SPATA17: variants seen among roughly 807,000 people sequenced by gnomAD.
SPATA17 encodes spermatogenesis associated 17.
Under a neutral mutation model 62.2 loss-of-function variants are expected in SPATA17, and 53 were observed. That is an observed-to-expected ratio of 0.85 (90% confidence interval 0.68 to 1.07). The LOEUF (loss-of-function observed/expected upper bound fraction) is 1.07. SPATA17 is among the 50% of genes least tolerant of loss of function. SPATA17 has a pLI of 0.00. For synonymous variants in SPATA17, 146 were observed against 146.8 expected, an observed-to-expected ratio of 0.99 and a Z score of 0.04; for missense variants, 466 against 425.5, an observed-to-expected ratio of 1.10 and a Z score of -0.84.
intron 9 of SPATA17, among the ~76,000 whole-genome samples, chr1:217,804,862 G>A (rs767841367): frequency 6.6e-6 from 1 of 152,142 alleles, no homozygotes; most frequent in Non-Finnish European, 1.5e-5. Context: ...ATGTTAGAAT[G>A]GCTATTACCA....
rs1047139065 is a variant in SPATA17, at chr1:217,793,307, G to T, written c.873-8411G>T. 5.1e-5 allele frequency among the ~76,000 whole-genome samples: 7 copies of T among 136,160 alleles called. No homozygotes were observed. The East Asian group carries it at 1.8e-3, about 35-fold the overall frequency. The allele number at this position is 136,160 out of a possible 152,430, so 89.3% of individuals were successfully genotyped here. ...ACGATCTCGGCTCACTGCAAGCTCC[G>T]CCTTCCGGGTTGATGCCATTCTCCC... On this transcript the variant is annotated intron_variant, in intron 8 of 10. Transcript: ENST00000366933.
intron 4 of SPATA17, among the ~76,000 whole-genome samples, chr1:217,674,763 C>T (rs1670910129): frequency 6.6e-6 from 1 of 152,234 alleles, no homozygotes; most frequent in Admixed American, 6.5e-5. Context: ...TGGCCTGTGG[C>T]TCCAGGGCTG....
rs568249619 is a variant in SPATA17 at position 217,869,889 on chromosome 1, A to C, written c.*2870A>C. The C allele has an allele frequency of 6.6e-6, 1 of 152,274 alleles. No homozygotes were observed. The highest frequency in any genetic ancestry group is 1.9e-4 in the East Asian group (1 of 5,176). The allele number at this position is 152,274 out of a possible 1,614,324, so 9.4% of individuals were successfully genotyped here. A position where few individuals can be genotyped will look rare whatever the true frequency, so the allele number is the denominator to read the frequency against. Reference sequence around the variant, plus strand: ...TAAAGCTTTATTTTTAGATTACAGCATATTGCTTTTGCACTATCATAAAGT... The same window carrying C: ...TAAAGCTTTATTTTTAGATTACAGCCTATTGCTTTTGCACTATCATAAAGT... On this transcript the variant is annotated 3_prime_UTR_variant, in exon 11 of 11. Transcript: ENST00000366933.
chr1:217,751,200 T>C (rs1047884534), intron 6 of SPATA17, among the ~76,000 whole-genome samples: 2 of 152,220 alleles, frequency 1.3e-5, no homozygotes, highest in African/African-American at 4.8e-5. Context: ...AAAGCCAGAA[T>C]GTAATTTAGA....
At chr1:217,784,956 A>G (rs1673823372) in intron 8 of SPATA17, 1 of 152,128 alleles carries the variant, frequency 6.6e-6, no homozygotes, top group African/African-American at 2.4e-5. Flanking sequence ...AAACATAGAA[A>G]TGTACTGTAT....
At chr1:217,808,383 C>A (rs7516865) in intron 9 of SPATA17, among the ~76,000 whole-genome samples, 23,256 of 68,144 alleles carry the variant, frequency 0.34, 1,865 homozygotes, top group East Asian at 0.47. Context: ...ACACACACAC[C>A]CCCCTCAGAA....
chr1:217,657,402 G>A (rs569976413), intron 3 of SPATA17, among the ~76,000 whole-genome samples: 37 of 152,162 alleles, frequency 2.4e-4, no homozygotes, highest in Middle Eastern at 6.8e-3. Context: ...TTGCCTCGGA[G>A]CTTAGGTTTT....
At position 217,688,544 on chromosome 1, in the gene SPATA17, T is replaced by C. The variant is rs145153365; in HGVS notation, c.395+5183T>C. ...ATGTCACATATTTTAGACTGTCACA[T>C]AGGTCGACAGCCCCATCTTCAAATG... On this transcript the variant is annotated intron_variant, in intron 5 of 10. Coordinates refer to ENST00000366933, the MANE Select transcript of SPATA17 (RefSeq NM_138796.4). 1.8e-3 allele frequency among the ~76,000 whole-genome samples: 269 copies of C among 152,346 alleles called. 2 individuals carry two copies. The highest frequency in any genetic ancestry group is 6.2e-3 in the African/African-American group (257 of 41,586).
intron 6 of SPATA17, among the ~76,000 whole-genome samples, chr1:217,759,064 C>T (rs1379818649): frequency 6.6e-6 from 1 of 152,156 alleles, no homozygotes; most frequent in Non-Finnish European, 1.5e-5. Context: ...AAAAGGAAGA[C>T]TGGACCATGT....
chr1:217,854,276 A>G (rs919716360), intron 9 of SPATA17, among the ~76,000 whole-genome samples: 1 of 152,160 alleles, frequency 6.6e-6, no homozygotes, highest in Non-Finnish European at 1.5e-5. Context: ...GTTCATCCAC[A>G]AAAACACTGC....
chr1:217,848,490 G>T (rs1230209824), intron 9 of SPATA17, among the ~76,000 whole-genome samples: 2 of 152,012 alleles, frequency 1.3e-5, no homozygotes, highest in Admixed American at 1.3e-4. Flanking sequence ...GTTCCATGAT[G>T]ATGTTTCTTC....
chr1:217,704,744 A>C (rs930905523), intron 5 of SPATA17, among the ~76,000 whole-genome samples: 1 of 151,696 alleles, frequency 6.6e-6, no homozygotes. Context: ...TTTTTTTTTT[A>C]AATGTGTGGG....
At chr1:217,640,806 T>C (rs974498944) in intron 1 of SPATA17, among the ~76,000 whole-genome samples, 2 of 152,028 alleles carry the variant, frequency 1.3e-5, no homozygotes, top group Admixed American at 6.6e-5. Flanking sequence ...GCCCAGATTA[T>C]AGAAAATATA....
chr1:217,742,297 G>T (rs1672641856), intron 6 of SPATA17, among the ~76,000 whole-genome samples, 199 bp downstream of exon 6: 1 of 152,198 alleles, frequency 6.6e-6, no homozygotes, highest in African/African-American at 2.4e-5. Context: ...AGAGGCAGCC[G>T]CTGCGATGCT....
intron 9 of SPATA17, among the ~76,000 whole-genome samples, chr1:217,850,187 T>A (rs944244488): frequency 6.6e-6 from 1 of 152,164 alleles, no homozygotes; most frequent in Admixed American, 6.5e-5. Flanking sequence ...TACAGTCGTG[T>A]ACAACTTTTA....
At chr1:217,784,106 C>T (rs986670360) in intron 8 of SPATA17, among the ~76,000 whole-genome samples, 1 of 151,596 alleles carries the variant, frequency 6.6e-6, no homozygotes, top group African/African-American at 2.4e-5. Context: ...TTCATAGCTT[C>T]TTCTGAACCA....
intron 5 of SPATA17, among the ~76,000 whole-genome samples, chr1:217,722,246 G>A (rs974356797): frequency 6.6e-6 from 1 of 152,048 alleles, no homozygotes; most frequent in Non-Finnish European, 1.5e-5. Flanking sequence ...TCTTCTCAGT[G>A]ACATTATTCA....
chr1:217,814,317 T>C (rs1480197229), intron 9 of SPATA17, among the ~76,000 whole-genome samples: 2 of 152,164 alleles, frequency 1.3e-5, no homozygotes, highest in Admixed American at 1.3e-4. Context: ...CTCCATTAGA[T>C]TATTAATAGC....
At chr1:217,849,265 C>A (rs1345903868) in intron 9 of SPATA17, among the ~76,000 whole-genome samples, 1 of 152,110 alleles carries the variant, frequency 6.6e-6, no homozygotes, top group African/African-American at 2.4e-5. Context: ...GCCAGGTTGA[C>A]TGGTGGTTTT....
Sources: gnomAD v4.1 joint callset for allele counts (sites outside exome capture counted in the v4.1 genomes callset) on GRCh38, gnomAD v4.1.1 for gene constraint, MANE v1.5 for transcripts, NCBI Gene and HGNC (gene_info 2026-07-23, HGNC 2026-07-21) for gene names.